The following BTG4 variants were observed in gnomAD, a reference collection of about 807,000 sequenced individuals.
BTG4 encodes BTG anti-proliferation factor 4.
BTG4 carries 10 observed loss-of-function variants against 19.3 expected under a neutral mutation model. The ratio of observed to expected loss-of-function variants is 0.52; its 90% CI spans 0.32 to 0.88. BTG4 has a LOEUF of 0.88. BTG4 is among the 40% of genes least tolerant of loss of function. The probability of loss-of-function intolerance (pLI) is 0.04; values close to 1 mark genes in which losing one functional copy is unlikely to be tolerated. For missense variants in BTG4, 238 were observed against 281.9 expected (o/e 0.84, Z 1.11); for synonymous variants, 91 against 95.7 (o/e 0.95, Z 0.29).
chr11:111,477,265 T>C (rs1027307264), intron 5 of BTG4, among the ~76,000 whole-genome samples: 6 of 152,122 alleles, frequency 3.9e-5, no homozygotes, highest in African/African-American at 1.4e-4. Flanking sequence ...CATTATGCGT[T>C]TTTATTGCTG....
chr11:111,454,381 C>T, the BTG4 span: 2 of 448,404 alleles, frequency 4.5e-6, no homozygotes, highest in South Asian at 3.2e-5. Context: ...CCAGGCAACA[C>T]TTCTACCCAA....
chr11:111,473,601 C>T (rs116452092), intron 5 of BTG4, among the ~76,000 whole-genome samples: 2,058 of 152,246 alleles, frequency 0.014, 47 homozygotes, highest in African/African-American at 0.047. Context: ...CCTACAACAA[C>T]AGAGGGTGGA....
At chr11:111,472,719 T>A (rs1176915741) in intron 5 of BTG4, among the ~76,000 whole-genome samples, 1 of 152,216 alleles carries the variant, frequency 6.6e-6, no homozygotes, top group Non-Finnish European at 1.5e-5. Context: ...CTACATAATT[T>A]ACTTACACTT....
intron 1 of BTG4, 30 bp from the exon 2 acceptor site, chr11:111,498,832 TAGAA>T (rs1317782523): frequency 4.2e-6 from 6 of 1,433,332 alleles, no homozygotes; most frequent in Non-Finnish European, 2.8e-6. Flanking sequence ...CAAGAAGAAA[TAGAA>T]AGAAATGGTT....
In BTG4 at chr11:111,476,135, TAC is replaced by T. The variant is rs55989357; in HGVS notation, c.663-8456_663-8455del. Among the ~76,000 whole-genome samples the T allele has an allele frequency of 2.4e-4, 35 of 148,744 alleles. 1 individual carries two copies. Among genetic ancestry groups the T allele is most frequent in the South Asian group, 4.3e-4 (2 of 4,662 alleles). On this transcript the variant is annotated intron_variant, in intron 5 of 5. Transcript: ENST00000356018. ...GCACCAAGAGAAGTACCAGAATAGA[TAC>T]ACACACACACACACACACACACAAT...
the BTG4 span, among the ~76,000 whole-genome samples, chr11:111,430,609 G>A: frequency 2.3e-3 from 349 of 152,240 alleles, no homozygotes; most frequent in Non-Finnish European, 3.8e-3. Flanking sequence ...CTGACCACAC[G>A]GACACCATTA....
chr11:111,393,093 T>A, the BTG4 span, among the ~76,000 whole-genome samples: 2 of 152,066 alleles, frequency 1.3e-5, no homozygotes. Flanking sequence ...ACAATACACA[T>A]CAACAATGAG....
rs979665985 is a variant in BTG4, at chr11:111,477,782, C to T, written c.663-10101G>A. 4.4e-4 allele frequency among the ~76,000 whole-genome samples: 67 copies of T among 151,984 alleles called. 1 individual carries two copies. Among genetic ancestry groups the T allele is most frequent in the Admixed American group, 2.4e-3 (36 of 15,212 alleles). On this transcript the variant is annotated intron_variant, in intron 5 of 5. Transcript: ENST00000356018. Reference sequence around the variant, plus strand: ...GAGACCACAAAAGCCTGCTCTTTAGCGAAAGGACCAGGAAAGGGACAGCGC... The same window carrying T: ...GAGACCACAAAAGCCTGCTCTTTAGTGAAAGGACCAGGAAAGGGACAGCGC...
chr11:111,442,545 C>CACACA, the BTG4 span, among the ~76,000 whole-genome samples: 1 of 146,296 alleles, frequency 6.8e-6, no homozygotes, highest in Non-Finnish European at 1.5e-5. Context: ...CACACACACA[C>CACACA]CAGATGAGCC....
intron 5 of BTG4, among the ~76,000 whole-genome samples, chr11:111,472,541 A>G (rs775819697): frequency 6.6e-6 from 1 of 152,106 alleles, no homozygotes; most frequent in African/African-American, 2.4e-5. Flanking sequence ...CTCATCCCAA[A>G]ATAGTGCCAA....
chr11:111,440,014 C>CTGTA, the BTG4 span, among the ~76,000 whole-genome samples: 3 of 152,206 alleles, frequency 2.0e-5, no homozygotes, highest in Non-Finnish European at 4.4e-5. Context: ...TCTCACAGTG[C>CTGTA]TGTAGTTCAG....
chr11:111,422,981 G>A, the BTG4 span, among the ~76,000 whole-genome samples: 1 of 152,170 alleles, frequency 6.6e-6, no homozygotes, highest in South Asian at 2.1e-4. Context: ...CAGGACATTG[G>A]TGCATTTTCT....
At chr11:111,396,602 G>T in the BTG4 span, among the ~76,000 whole-genome samples, 1 of 152,228 alleles carries the variant, frequency 6.6e-6, no homozygotes, top group Non-Finnish European at 1.5e-5. Context: ...CAACTACAAG[G>T]CCTAAGCTCA....
chr11:111,398,647 G>T, the BTG4 span, among the ~76,000 whole-genome samples: 2 of 152,000 alleles, frequency 1.3e-5, no homozygotes, highest in African/African-American at 4.8e-5. Flanking sequence ...GTAGAGACGG[G>T]GTGAAAATTT....
the BTG4 span, among the ~76,000 whole-genome samples, chr11:111,420,657 G>A: frequency 6.6e-6 from 1 of 152,238 alleles, no homozygotes; most frequent in East Asian, 1.9e-4. Context: ...AACAGTTTGA[G>A]ACACAGTTTG....
At chr11:111,466,337 C>T (rs1030321103), downstream of BTG4, among the ~76,000 whole-genome samples, 2 of 152,078 alleles carry the variant, frequency 1.3e-5, no homozygotes, top group African/African-American at 2.4e-5. Flanking sequence ...ACAGACATTC[C>T]GTACAGATAT....
At chr11:111,428,728 G>A in the BTG4 span, among the ~76,000 whole-genome samples, 1 of 152,110 alleles carries the variant, frequency 6.6e-6, no homozygotes, top group Admixed American at 6.5e-5. Context: ...GGGAAGTGGG[G>A]GTGCAGGCAT....
At position 111,482,029 on chromosome 11, in the gene BTG4, C is replaced by T. The variant is rs57550195; in HGVS notation, c.662+13134G>A. On this transcript the variant is annotated intron_variant, in intron 5 of 5. Coordinates refer to the BTG4 transcript ENST00000356018. ...CATATTGGGAAAGAAATAAATAAAACTATCCCTATGCAGATGACATGATTG... is the reference window on the plus strand; with the variant it reads ...CATATTGGGAAAGAAATAAATAAAATTATCCCTATGCAGATGACATGATTG... Among the ~76,000 whole-genome samples the T allele has an allele frequency of 7.9e-3, 1,198 of 151,928 alleles. 13 individuals are homozygous for T. Among genetic ancestry groups the T allele is most frequent in the African/African-American group, 0.026 (1,096 of 41,488 alleles).
chr11:111,447,571 C>T, the BTG4 span, among the ~76,000 whole-genome samples: 2 of 152,156 alleles, frequency 1.3e-5, no homozygotes, highest in Admixed American at 6.5e-5. Flanking sequence ...CAGTTATGCA[C>T]ACGCATGCAC....
Sources: gnomAD v4.1 joint callset for allele counts (sites outside exome capture counted in the v4.1 genomes callset) on GRCh38, gnomAD v4.1.1 for gene constraint, MANE v1.5 for transcripts, NCBI Gene and HGNC (gene_info 2026-07-23, HGNC 2026-07-21) for gene names.